The following TSHR variants were observed in gnomAD, a reference collection of about 807,000 sequenced individuals.
The protein encoded by TSHR is thyrotropin receptor.
A neutral mutation model predicts 64.1 loss-of-function variants in TSHR; 51 were observed. The ratio of observed to expected loss-of-function variants is 0.80; its 90% CI spans 0.64 to 1.01. The LOEUF (loss-of-function observed/expected upper bound fraction) is 1.01. Ranked by LOEUF, TSHR falls within the 50% of genes least tolerant of loss-of-function variation. The pLI is 0.00. For missense variants in TSHR, 877 were observed against 942.8 expected (o/e 0.93, Z 0.91); for synonymous variants, 361 against 361.9 (o/e 1.00, Z 0.03).
chr14:80,966,534 A>G (rs1887305732), intron 1 of TSHR, among the ~76,000 whole-genome samples: 1 of 152,148 alleles, frequency 6.6e-6, no homozygotes, highest in South Asian at 2.1e-4. Context: ...GCATTGATAT[A>G]TAATAAACGA....
intron 1 of TSHR, among the ~76,000 whole-genome samples, chr14:81,016,935 C>T (rs1338033375): frequency 6.6e-6 from 1 of 152,072 alleles, no homozygotes; most frequent in African/African-American, 2.4e-5. Flanking sequence ...AACACAGTTA[C>T]AATGTTAGAT....
chr14:81,103,454 G>A lies in TSHR; in HGVS notation c.615-4921G>A, dbSNP rs1016716623. The A allele has an allele frequency of 1.8e-5, 18 of 985,328 alleles. No homozygotes were observed. The Middle Eastern group carries it at 1.6e-3, about 86-fold the overall frequency. The allele number at this position is 985,328 out of a possible 1,614,324, so 61.0% of individuals were successfully genotyped here. A position where few individuals can be genotyped will look rare whatever the true frequency, so the allele number is the denominator to read the frequency against. ...GACAATTTACTGAAATTAGCAGATC[G>A]ACCTCATTTACACTCATTTTTTAAA... On this transcript the variant is annotated intron_variant, in intron 7 of 9. Coordinates refer to ENST00000298171, the MANE Select transcript of TSHR (RefSeq NM_000369.5). This position sits in a 1 kb window ranked among gnomAD's most constrained non-coding sequence, Gnocchi z 4.1.
intron 1 of TSHR, among the ~76,000 whole-genome samples, chr14:81,057,710 T>A (rs17111396): frequency 0.23 from 35,263 of 152,100 alleles, 4,151 homozygotes; most frequent in South Asian, 0.29. Flanking sequence ...ATTGATATTA[T>A]ACAAACACGC....
At chr14:81,123,357 T>C (rs1285602929) in intron 8 of TSHR, among the ~76,000 whole-genome samples, 2 of 152,234 alleles carry the variant, frequency 1.3e-5, no homozygotes, top group African/African-American at 4.8e-5. Context: ...TCTTGATCTT[T>C]TGTCAAAATC....
At chr14:81,092,486 G>A in intron 5 of TSHR, 45 bp from the exon 6 acceptor site, 1 of 1,576,372 alleles carries the variant, frequency 6.3e-7, no homozygotes, top group South Asian at 1.1e-5. Context: ...TGCTGCAGAA[G>A]GAAAGCATTT....
Position 81,137,032 on chromosome 14 carries a change from A to AC in TSHR, c.693-2646dup, listed in dbSNP as rs768378609. Among the ~76,000 whole-genome samples, 6 of 152,278 alleles carry AC rather than the reference A, an allele frequency of 3.9e-5. 1 individual carries two copies. Among genetic ancestry groups the AC allele is most frequent in the Admixed American group, 2.0e-4 (3 of 15,296 alleles). ...GGTTCACTGTATCTTTTTGGACACA[A>AC]CATCCCTTATTTCTTTGTCTGAATT... On this transcript the variant is annotated intron_variant, in intron 8 of 9. Coordinates refer to ENST00000298171, the MANE Select transcript of TSHR (RefSeq NM_000369.5).
chr14:81,043,882 T>C (rs745447132), intron 1 of TSHR, among the ~76,000 whole-genome samples: 8 of 152,190 alleles, frequency 5.3e-5, no homozygotes, highest in Non-Finnish European at 1.2e-4. Flanking sequence ...TGGCTAGCCA[T>C]ATGCAGAAAA....
chr14:80,988,644 C>T (rs1404439237), intron 1 of TSHR, among the ~76,000 whole-genome samples: 1 of 152,176 alleles, frequency 6.6e-6, no homozygotes, highest in Non-Finnish European at 1.5e-5. Context: ...CATGTAGGCA[C>T]AAATTCCATA....
chr14:80,973,429 A>AAAAAAAAAAAAAAAAAAAAAAAAAAAATG (rs1566743346), intron 1 of TSHR, among the ~76,000 whole-genome samples: 1 of 146,236 alleles, frequency 6.8e-6, no homozygotes, highest in Non-Finnish European at 1.5e-5. Context: ...AAAAAAAAAA[A>AAAAAAAAAAAAAAAAAAAAAAAAAAAATG]TCTGTGTACT....
chr14:81,092,699 C>T, intron 6 of TSHR, 91 bp downstream of exon 6: 1 of 1,128,330 alleles, frequency 8.9e-7, no homozygotes, highest in Non-Finnish European at 1.3e-6. Flanking sequence ...GCCATACTGC[C>T]TTATCATATA....
At position 81,044,673 on chromosome 14, in the gene TSHR, AAC is replaced by A. The variant is rs1555373982; in HGVS notation, c.171-17463_171-17462del. Among the ~76,000 whole-genome samples, 356 of 137,448 alleles carry A rather than the reference AAC, an allele frequency of 2.6e-3. 4 individuals carry two copies. Among genetic ancestry groups the A allele is most frequent in the South Asian group, 5.7e-3 (23 of 4,034 alleles). The allele number at this position is 137,448 out of a possible 152,430, so 90.2% of individuals were successfully genotyped here. ...ACTCTGTCTCAAAAAAAAAAAAAAAAACACACACACACATGCACAATGAGATA... is the reference window on the plus strand; with the variant it reads ...ACTCTGTCTCAAAAAAAAAAAAAAAAACACACACACATGCACAATGAGATA... On this transcript the variant is annotated intron_variant, in intron 1 of 9. Coordinates refer to ENST00000298171, the MANE Select transcript of TSHR (RefSeq NM_000369.5).
At chr14:80,992,792 C>T (rs1002094327) in intron 1 of TSHR, 10 of 152,074 alleles carry the variant, frequency 6.6e-5, no homozygotes, top group African/African-American at 1.9e-4. Flanking sequence ...AGTCCTAGTC[C>T]AGAGGTCATG....
intron 1 of TSHR, among the ~76,000 whole-genome samples, chr14:81,037,069 G>A (rs1412355167): frequency 6.6e-6 from 1 of 151,856 alleles, no homozygotes; most frequent in East Asian, 1.9e-4. Flanking sequence ...CTTGAACCCG[G>A]GAGACGAGGT....
chr14:80,992,041 T>G (rs1888750717), intron 1 of TSHR: 1 of 155,584 alleles, frequency 6.4e-6, no homozygotes, highest in Non-Finnish European at 1.4e-5. Flanking sequence ...ACTAGCCCCA[T>G]TTATTTACCA....
chr14:81,079,160 T>C (rs1401682197), intron 3 of TSHR, among the ~76,000 whole-genome samples: 1 of 152,234 alleles, frequency 6.6e-6, no homozygotes, highest in Non-Finnish European at 1.5e-5. Context: ...GCGAGGATAC[T>C]GTTTGGACCG....
At chr14:80,965,268 T>A (rs767789199) in intron 1 of TSHR, among the ~76,000 whole-genome samples, 1 of 152,226 alleles carries the variant, frequency 6.6e-6, no homozygotes, top group Admixed American at 6.5e-5. Flanking sequence ...TTTGTCAGTT[T>A]GCCAACATTC....
intron 1 of TSHR, among the ~76,000 whole-genome samples, chr14:80,987,014 C>T (rs1888491585): frequency 6.6e-6 from 1 of 152,162 alleles, no homozygotes; most frequent in Admixed American, 6.5e-5. Flanking sequence ...ATTCAATTGG[C>T]CTGTTTTTCC....
rs1310315819 is a variant in TSHR, at chr14:80,955,862, G to C, written c.170+12G>C. ...AGTACGCAGACTCTGTGAGTACCCGGGAGAGATCAGGGTAGGACCCAGAGA... is the reference window on the plus strand; with the variant it reads ...AGTACGCAGACTCTGTGAGTACCCGCGAGAGATCAGGGTAGGACCCAGAGA... On this transcript the variant is annotated intron_variant, in intron 1 of 9. Transcript: ENST00000298171. 4 of 1,613,968 alleles carry C rather than the reference G, an allele frequency of 2.5e-6. No individual in the cohort carries two copies. The African/African-American group carries it at 4.0e-5, about 16-fold the overall frequency.
chr14:81,121,351 C>T (rs981928890), intron 8 of TSHR, among the ~76,000 whole-genome samples: 2 of 152,162 alleles, frequency 1.3e-5, no homozygotes, highest in African/African-American at 2.4e-5. Flanking sequence ...AGATAGAATA[C>T]ACCTGTTGAA....
Sources: gnomAD v4.1 joint callset for allele counts (sites outside exome capture counted in the v4.1 genomes callset) on GRCh38, gnomAD v4.1.1 for gene constraint, Gnocchi (gnomAD v3.1) non-coding constraint, MANE v1.5 for transcripts, NCBI Gene and HGNC (gene_info 2026-07-23, HGNC 2026-07-21) for gene names.